The following GRM7 variants were observed in gnomAD, a reference collection of about 807,000 sequenced individuals.
GRM7 encodes the protein metabotropic glutamate receptor 7.
GRM7 carries 35 observed loss-of-function variants against 84.5 expected under a neutral mutation model. That is an observed-to-expected ratio of 0.41 (90% CI 0.32 to 0.55). GRM7 has a LOEUF of 0.55. Among genes scored for constraint, GRM7 ranks in the 20% least tolerant of loss-of-function variants. The probability of loss-of-function intolerance (pLI) is 0.19; values close to 1 mark genes in which losing one functional copy is unlikely to be tolerated. For synonymous variants in GRM7, 487 were observed against 455.1 expected, an observed-to-expected ratio of 1.07 and a Z score of -0.89; for missense variants, 1,003 against 1,194.6, an observed-to-expected ratio of 0.84 and a Z score of 2.36.
intron 9 of GRM7, chr3:7,691,274 T>C (rs377135292): frequency 7.8e-7 from 1 of 1,287,720 alleles, no homozygotes; most frequent in African/African-American, 1.5e-5. Flanking sequence ...CTTGTTCTTC[T>C]TGAGCTGACC....
chr3:7,391,622 CA>C lies in GRM7; in HGVS notation c.1034-23400del, dbSNP rs528826068. On this transcript the variant is annotated intron_variant, in intron 4 of 9. Transcript: ENST00000357716. ...ATACCTAATGTAAATGATGAGTTAA[CA>C]GGTGCAGCACACCAACATGGCAAAT... 1.9e-3 allele frequency among the ~76,000 whole-genome samples: 289 copies of C among 152,036 alleles called. 4 individuals carry two copies. The highest frequency in any genetic ancestry group is 6.7e-3 in the African/African-American group (278 of 41,470).
intron 1 of GRM7, among the ~76,000 whole-genome samples, chr3:7,048,277 T>A (rs1406899776): frequency 2.0e-5 from 3 of 152,050 alleles, no homozygotes; most frequent in Non-Finnish European, 4.4e-5. Context: ...AGAGTTGGGT[T>A]ACCATCTGAC....
chr3:7,407,139 T>G (rs532234036), intron 4 of GRM7, among the ~76,000 whole-genome samples: 4 of 152,178 alleles, frequency 2.6e-5, no homozygotes, highest in Non-Finnish European at 5.9e-5. Context: ...CACAGAACAT[T>G]TAATCACTAA....
At chr3:7,508,734 G>A (rs1356445805) in intron 7 of GRM7, among the ~76,000 whole-genome samples, 1 of 152,160 alleles carries the variant, frequency 6.6e-6, no homozygotes, top group Non-Finnish European at 1.5e-5. Flanking sequence ...TGAAATAAGA[G>A]GTTCAGCATT....
intron 1 of GRM7, among the ~76,000 whole-genome samples, chr3:7,097,114 C>A (rs1198100189): frequency 6.6e-6 from 1 of 152,136 alleles, no homozygotes. Flanking sequence ...GTCACCCATG[C>A]ATGCTGGTCA....
intron 2 of GRM7, among the ~76,000 whole-genome samples, chr3:7,206,884 C>T (rs1696257706): frequency 6.6e-6 from 1 of 152,202 alleles, no homozygotes; most frequent in African/African-American, 2.4e-5. Context: ...TCAGAACCCC[C>T]AGGTGTTGGG....
chr3:7,265,938 C>G (rs937084632), intron 2 of GRM7, among the ~76,000 whole-genome samples: 1 of 152,088 alleles, frequency 6.6e-6, no homozygotes, highest in African/African-American at 2.4e-5. Context: ...GAAGGGTACC[C>G]AGCCATCTGA....
intron 8 of GRM7, among the ~76,000 whole-genome samples, chr3:7,672,800 G>A (rs189112655): frequency 6.6e-6 from 1 of 151,788 alleles, no homozygotes; most frequent in East Asian, 1.9e-4. Context: ...GTAGAGATGG[G>A]GTTTCACCGT....
chr3:7,142,474 G>T (rs1049898858), intron 1 of GRM7, among the ~76,000 whole-genome samples: 5 of 152,050 alleles, frequency 3.3e-5, no homozygotes, highest in African/African-American at 1.2e-4. Flanking sequence ...AGCAAAGGAG[G>T]AAGAGCGCCT....
chr3:7,738,066 CT>C lies in GRM7; in HGVS notation c.2699-2289del, dbSNP rs1702566192. 3.9e-5 allele frequency among the ~76,000 whole-genome samples: 6 copies of C among 152,166 alleles called. No homozygotes were observed. In the South Asian group the frequency reaches 1.2e-3, roughly 32 times the overall value. On this transcript the variant is annotated intron_variant, in intron 9 of 9. Transcript: ENST00000357716. The stretch of plus-strand genomic sequence containing the variant: ...GTTTCACCATGTTGACCAGGCTGGT[CT>C]TAAACTTCTGACCTCTGATGATCCA...
At chr3:7,653,216 T>G (rs1261049416) in intron 8 of GRM7, among the ~76,000 whole-genome samples, 1 of 146,926 alleles carries the variant, frequency 6.8e-6, no homozygotes, top group Non-Finnish European at 1.5e-5. Flanking sequence ...CTTTACATCT[T>G]TCTCCCCTCT....
chr3:7,178,794 T>C (rs750159105), intron 2 of GRM7, among the ~76,000 whole-genome samples: 1 of 151,410 alleles, frequency 6.6e-6, no homozygotes, highest in Admixed American at 6.6e-5. Context: ...AAAAAAAAAA[T>C]GTTAGGCTGC....
chr3:7,441,137 T>A (rs556023052), intron 5 of GRM7, among the ~76,000 whole-genome samples: 2 of 152,282 alleles, frequency 1.3e-5, no homozygotes, highest in Admixed American at 1.3e-4. Context: ...TTCCTTTTTT[T>A]TCTGCAACCT....
chr3:7,607,360 A>C (rs1322623027), intron 8 of GRM7: 1 of 152,096 alleles, frequency 6.6e-6, no homozygotes, highest in Admixed American at 6.6e-5. Flanking sequence ...TAGAAGTAAA[A>C]CCTCTTTGGA....
intron 2 of GRM7, among the ~76,000 whole-genome samples, chr3:7,269,447 C>A (rs980246461): frequency 2.9e-3 from 188 of 65,734 alleles, no homozygotes; most frequent in African/African-American, 6.3e-3. Flanking sequence ...TGCCTGAACC[C>A]CCCCCCCAGA....
intron 7 of GRM7, among the ~76,000 whole-genome samples, chr3:7,547,785 G>A (rs1184444859): frequency 1.3e-5 from 2 of 152,130 alleles, no homozygotes; most frequent in East Asian, 3.9e-4. Flanking sequence ...AATAACGAAA[G>A]CAAAGAAACA....
At chr3:7,535,304 A>G (rs902582524) in intron 7 of GRM7, 1 of 152,188 alleles carries the variant, frequency 6.6e-6, no homozygotes, top group African/African-American at 2.4e-5. Context: ...AAGAAAAAAG[A>G]AAAAGAAAAA....
intron 5 of GRM7, among the ~76,000 whole-genome samples, chr3:7,417,457 C>A (rs1179263498): frequency 1.3e-5 from 2 of 152,070 alleles, no homozygotes; most frequent in African/African-American, 4.8e-5. Context: ...TTTAAAAAAT[C>A]TTTACATGTA....
intron 8 of GRM7, among the ~76,000 whole-genome samples, chr3:7,610,557 G>A (rs566005283): frequency 6.6e-6 from 1 of 152,230 alleles, no homozygotes; most frequent in African/African-American, 2.4e-5. Context: ...CAATTTTGGA[G>A]GGAATTTTTA....
Sources: gnomAD v4.1 joint callset for allele counts (sites outside exome capture counted in the v4.1 genomes callset) on GRCh38, gnomAD v4.1.1 for gene constraint, MANE v1.5 for transcripts, NCBI Gene and HGNC (gene_info 2026-07-23, HGNC 2026-07-21) for gene names.